JMY: variants seen among roughly 807,000 people sequenced by gnomAD.
The protein encoded by JMY is junction mediating and regulatory protein, p53 cofactor.
In JMY, 46 loss-of-function variants were observed where a neutral mutation model predicts 103.3. The ratio of observed to expected loss-of-function variants is 0.45; its 90% CI spans 0.35 to 0.57. The LOEUF is 0.57. Among genes scored for constraint, JMY ranks in the 20% least tolerant of loss-of-function variants. JMY has a pLI of 0.00. For missense variants in JMY, 1,238 were observed against 1,255.2 expected (o/e 0.99, Z 0.21); for synonymous variants, 526 against 489.3 (o/e 1.07, Z -0.99).
In JMY at chr5:79,256,378, T is replaced by G. The variant is rs142385108; in HGVS notation, c.1032+18696T>G. 2.3e-3 allele frequency among the ~76,000 whole-genome samples: 356 copies of G among 151,930 alleles called. 7 individuals carry two copies. The highest frequency in any genetic ancestry group is 0.023 in the South Asian group (110 of 4,810). On this transcript the variant is annotated intron_variant, in intron 1 of 10. Coordinates refer to ENST00000396137, the MANE Select transcript of JMY (RefSeq NM_152405.5). The stretch of plus-strand genomic sequence containing the variant: ...CAGGTTCAGAAATGCCATCCAAGAG[T>G]CAAGTCCTGGAATCAGGGACCCCAT...
chr5:79,240,642 A>G, intron 1 of JMY, among the ~76,000 whole-genome samples: 1 of 152,342 alleles, frequency 6.6e-6, no homozygotes, highest in South Asian at 2.1e-4. Flanking sequence ...ATCAAGGACA[A>G]CAAATAGTTT....
chr5:79,239,696 A>T (rs1744673107), intron 1 of JMY, among the ~76,000 whole-genome samples: 1 of 151,952 alleles, frequency 6.6e-6, no homozygotes, highest in African/African-American at 2.4e-5. Context: ...CTGTAGTCCT[A>T]GCTACTGGGA....
At chr5:79,263,452 A>G (rs1169561696) in intron 1 of JMY, among the ~76,000 whole-genome samples, 1 of 151,940 alleles carries the variant, frequency 6.6e-6, no homozygotes, top group Non-Finnish European at 1.5e-5. Flanking sequence ...AGTGTGCAGT[A>G]GCGTGATCTC....
At chr5:79,247,140 A>G (rs1744929333) in intron 1 of JMY, among the ~76,000 whole-genome samples, 3 of 152,208 alleles carry the variant, frequency 2.0e-5, no homozygotes, top group African/African-American at 7.2e-5. Flanking sequence ...ATAAATTTAA[A>G]TGTTGTCCAA....
At chr5:79,309,274 G>C (rs1242499666) in intron 7 of JMY, among the ~76,000 whole-genome samples, 1 of 152,134 alleles carries the variant, frequency 6.6e-6, no homozygotes, top group African/African-American at 2.4e-5. Flanking sequence ...GATGTTACCT[G>C]TAGGTTTTGG....
chr5:79,245,132 C>T (rs1744851247), intron 1 of JMY, among the ~76,000 whole-genome samples: 1 of 151,974 alleles, frequency 6.6e-6, no homozygotes, highest in Non-Finnish European at 1.5e-5. Flanking sequence ...AATAATGGGG[C>T]TGATGGGTTA....
At chr5:79,260,606 G>T (rs1745393093) in intron 1 of JMY, among the ~76,000 whole-genome samples, 1 of 151,178 alleles carries the variant, frequency 6.6e-6, no homozygotes, top group Admixed American at 6.6e-5. Flanking sequence ...GCCCAGGCTG[G>T]TCTCAAACCC....
At chr5:79,265,640 A>T (rs1165256135) in intron 1 of JMY, among the ~76,000 whole-genome samples, 1 of 152,090 alleles carries the variant, frequency 6.6e-6, no homozygotes, top group East Asian at 1.9e-4. Flanking sequence ...CACTCTGTAG[A>T]TGGGCTTACT....
intron 7 of JMY, among the ~76,000 whole-genome samples, chr5:79,307,116 G>T (rs1474973763): frequency 6.6e-6 from 1 of 152,160 alleles, no homozygotes; most frequent in Admixed American, 6.5e-5. Flanking sequence ...ATGTTCCATT[G>T]TGTGGATGTC....
chr5:79,300,992 C>A (rs747570785), intron 6 of JMY, 129 bp downstream of exon 6: 2 of 685,248 alleles, frequency 2.9e-6, no homozygotes, highest in Non-Finnish European at 4.8e-6. Context: ...GTGCTCAATG[C>A]GTTTATAGTG....
At chr5:79,301,165 T>C (rs1580365041) in intron 6 of JMY, among the ~76,000 whole-genome samples, 2 of 152,250 alleles carry the variant, frequency 1.3e-5, no homozygotes, top group Admixed American at 6.5e-5. Flanking sequence ...CGATGTTTTT[T>C]ACAAGCCCTG....
chr5:79,287,920 A>G (rs1392582946), intron 2 of JMY, among the ~76,000 whole-genome samples: 2 of 152,234 alleles, frequency 1.3e-5, no homozygotes, highest in Non-Finnish European at 2.9e-5. Context: ...TAAGGGATTT[A>G]AGTTTTGACT....
At chr5:79,258,191 A>T (rs1275403574) in intron 1 of JMY, among the ~76,000 whole-genome samples, 1 of 152,208 alleles carries the variant, frequency 6.6e-6, no homozygotes, top group Non-Finnish European at 1.5e-5. Flanking sequence ...AAAGGAAAGA[A>T]TCTGAAAATC....
At chr5:79,301,815 G>A (rs950663864) in intron 6 of JMY, among the ~76,000 whole-genome samples, 2 of 152,116 alleles carry the variant, frequency 1.3e-5, no homozygotes, top group African/African-American at 2.4e-5. Context: ...GGCTGGGCGC[G>A]GTGGCTCATG....
intron 1 of JMY, among the ~76,000 whole-genome samples, chr5:79,253,254 T>C (rs1003717823): frequency 1.3e-5 from 2 of 152,178 alleles, no homozygotes; most frequent in African/African-American, 4.8e-5. Context: ...ATATATCTTA[T>C]TGTAAGTTGT....
At chr5:79,284,908 C>T in intron 2 of JMY, 1 of 1,546,158 alleles carries the variant, frequency 6.5e-7, no homozygotes, top group Non-Finnish European at 8.8e-7. Flanking sequence ...CTTGTTCTTG[C>T]CAACCGCCAT....
intron 1 of JMY, among the ~76,000 whole-genome samples, chr5:79,272,913 G>A (rs925155650): frequency 6.6e-6 from 1 of 152,198 alleles, no homozygotes; most frequent in Admixed American, 6.5e-5. Flanking sequence ...TGGGATTACA[G>A]GCACGAGCCA....
At chr5:79,253,541 C>T (rs1018358282) in intron 1 of JMY, among the ~76,000 whole-genome samples, 2 of 152,158 alleles carry the variant, frequency 1.3e-5, no homozygotes, top group African/African-American at 4.8e-5. Flanking sequence ...ATCTGCCCAC[C>T]GCAGCCTCCC....
At chr5:79,296,404 C>A (rs1255444119) in intron 4 of JMY, among the ~76,000 whole-genome samples, 1 of 152,212 alleles carries the variant, frequency 6.6e-6, no homozygotes, top group Non-Finnish European at 1.5e-5. Flanking sequence ...TTCTCATGTT[C>A]ATTCTTTCTA....
Sources: allele counts gnomAD v4.1 joint callset (sites outside exome capture counted in the v4.1 genomes callset), GRCh38; gene constraint gnomAD v4.1.1; transcripts MANE v1.5; gene names NCBI Gene and HGNC (gene_info 2026-07-23, HGNC 2026-07-21).